The following UGT2B17 variants were observed in gnomAD, a reference collection of about 807,000 sequenced individuals.
UGT2B17 encodes the protein UDP glucuronosyltransferase family 2 member B17.
A neutral mutation model predicts 48.2 loss-of-function variants in UGT2B17; 21 were observed. That is an observed-to-expected ratio of 0.44 (90% CI 0.31 to 0.63). UGT2B17 has a LOEUF of 0.63. Ranked by LOEUF, UGT2B17 falls within the 20% of genes least tolerant of loss-of-function variation. UGT2B17 has a pLI of 0.08. For missense variants in UGT2B17, 402 were observed against 696.1 expected (o/e 0.58, Z 4.75); for synonymous variants, 146 against 238.4 (o/e 0.61, Z 3.57).
intron 3 of UGT2B17, among the ~76,000 whole-genome samples, chr4:68,562,919 G>T (rs1731130185): frequency 7.9e-6 from 1 of 126,240 alleles, no homozygotes; most frequent in Non-Finnish European, 1.7e-5. Flanking sequence ...ACAGCTGACA[G>T]TGTAATTAAA....
rs532951975 is a variant in UGT2B17 at position 68,558,235 on chromosome 4, C to A, written c.1005+2302G>T. ...TTATGTTTCAAAAATAACAGTATAC[C>A]TGTTGTTAGATTCTAGTCTTGCCTA... On this transcript the variant is annotated intron_variant, in intron 4 of 6. Transcript: ENST00000317746. Among the ~76,000 whole-genome samples, 5 of 123,674 alleles carry A rather than the reference C, an allele frequency of 4.0e-5. 1 individual carries two copies. Among genetic ancestry groups the A allele is most frequent in the Non-Finnish European group, 6.8e-5 (4 of 58,446 alleles). The allele number at this position is 123,674 out of a possible 152,430, so 81.1% of individuals were successfully genotyped here.
In UGT2B17 at chr4:68,562,168, T is replaced by G. The variant is rs1731115077; in HGVS notation, c.874-1500A>C. Among the ~76,000 whole-genome samples the G allele has an allele frequency of 1.6e-5, 2 of 124,544 alleles. 1 individual carries two copies. Among genetic ancestry groups the G allele is most frequent in the African/African-American group, 5.5e-5 (2 of 36,440 alleles). The allele number at this position is 124,544 out of a possible 152,430, so 81.7% of individuals were successfully genotyped here. On this transcript the variant is annotated intron_variant, in intron 3 of 6. Transcript: ENST00000317746. Reference sequence around the variant, plus strand: ...TCTTGCTCTGTCACCTAGGCTGGAGTGCAATGATGCAATCTTGGCTCATTG... The same window carrying G: ...TCTTGCTCTGTCACCTAGGCTGGAGGGCAATGATGCAATCTTGGCTCATTG...
chr4:68,537,504 G>C lies in UGT2B17; in HGVS notation c.*121C>G, dbSNP rs1311515281. 2.6e-5 allele frequency: 23 copies of C among 883,136 alleles called. 4 individuals are homozygous for C. The highest frequency in any genetic ancestry group is 3.4e-5 in the Non-Finnish European group (23 of 669,952). 54.7% of individuals were successfully genotyped at this position (883,136 alleles called of 1,614,324 possible). On this transcript the variant is annotated 3_prime_UTR_variant, in exon 7 of 7. Transcript: ENST00000317746. ...TGGAAAATAAATTTTGACTTAACAG[G>C]GTAAGTTGTGAAAAGACGTTTTGTC... is the stretch of plus-strand genomic sequence containing the variant.
rs377204498 is a variant in UGT2B17 at position 68,550,797 on chromosome 4, G to A, written c.1193C>T (p.Ala398Val). 2.5e-5 allele frequency: 35 copies of A among 1,386,086 alleles called. 8 individuals are homozygous for A. Among genetic ancestry groups the A allele is most frequent in the South Asian group, 3.3e-5 (2 of 60,214 alleles). The allele number at this position is 1,386,086 out of a possible 1,614,324, so 85.9% of individuals were successfully genotyped here. The change falls in exon 6 of 7, where the codon GCG (alanine) becomes GTG (valine). Residue 398 changes from alanine (A) to valine (V), a missense_variant. By Grantham distance (64) the Ala-to-Val change is moderately conservative (BLOSUM62 0). Around this residue, in one of 5 missense-constraint regions of UGT2B17, gnomAD observed 156 missense variants for 258.6 expected, o/e 0.60. Transcript: ENST00000317746. Reference protein sequence around the residue: ...GIPMVGIPLFADQHDNIAHMK... With the variant: ...GIPMVGIPLFVDQHDNIAHMK... The stretch of plus-strand genomic sequence containing the variant: ...GTGAGCAATGTTATCATGTTGATCC[G>A]CAAACAAGGGAATGCCCACCATAGG...
At position 68,549,771 on chromosome 4, in the gene UGT2B17, G is replaced by T. The variant is rs1212498014; in HGVS notation, c.1313+906C>A. Among the ~76,000 whole-genome samples, 3 of 125,750 alleles carry T rather than the reference G, an allele frequency of 2.4e-5. 1 individual carries two copies. Among genetic ancestry groups the T allele is most frequent in the Non-Finnish European group, 5.0e-5 (3 of 59,408 alleles). 82.5% of individuals were successfully genotyped at this position (125,750 alleles called of 152,430 possible). A position where few individuals can be genotyped will look rare whatever the true frequency, so the allele number is the denominator to read the frequency against. ...CTTCATAAACAACAATTTCCCATAT[G>T]CCTCAGCAAGTCCACTCCTAGCCTC... On this transcript the variant is annotated intron_variant, in intron 6 of 6. Coordinates refer to ENST00000317746, the MANE Select transcript of UGT2B17 (RefSeq NM_001077.4).
rs1246514014 is a variant in UGT2B17 at position 68,561,309 on chromosome 4, A to G, written c.874-641T>C. On this transcript the variant is annotated intron_variant, in intron 3 of 6. Transcript: ENST00000317746. ...CACCCCCACCCCCAAAAAACACCTT[A>G]AAAGCTGAAGTATAAGAATCATTGA... is the stretch of plus-strand genomic sequence containing the variant. Among the ~76,000 whole-genome samples, 2 of 118,650 alleles carry G rather than the reference A, an allele frequency of 1.7e-5. 1 individual carries two copies. The highest frequency in any genetic ancestry group is 5.8e-5 in the African/African-American group (2 of 34,424). 77.8% of individuals were successfully genotyped at this position (118,650 alleles called of 152,430 possible). A position where few individuals can be genotyped will look rare whatever the true frequency, so the allele number is the denominator to read the frequency against.
Position 68,561,664 on chromosome 4 carries a change from T to C in UGT2B17, c.874-996A>G, listed in dbSNP as rs2109773020. On this transcript the variant is annotated intron_variant, in intron 3 of 6. Transcript: ENST00000317746. Reference sequence around the variant, plus strand: ...GCTCCCTCACACTATATGAAGCTCCTGGTAAATATGTGTTTGCTTCGAAAT... The same window carrying C: ...GCTCCCTCACACTATATGAAGCTCCCGGTAAATATGTGTTTGCTTCGAAAT... Among the ~76,000 whole-genome samples the C allele has an allele frequency of 1.6e-5, 2 of 122,970 alleles. 1 individual carries two copies. The highest frequency in any genetic ancestry group is 5.6e-5 in the African/African-American group (2 of 35,934). 80.7% of individuals were successfully genotyped at this position (122,970 alleles called of 152,430 possible). A position where few individuals can be genotyped will look rare whatever the true frequency, so the allele number is the denominator to read the frequency against.
intron 6 of UGT2B17, among the ~76,000 whole-genome samples, chr4:68,548,384 G>A (rs59899293): frequency 0.9 from 110,084 of 122,568 alleles, 52,393 homozygotes; most frequent in Non-Finnish European, 0.99. Flanking sequence ...ATGAGAACAC[G>A]AGGACACAGG....
chr4:68,556,239 G>T (rs1730997711), intron 4 of UGT2B17, among the ~76,000 whole-genome samples: 1 of 122,480 alleles, frequency 8.2e-6, no homozygotes, highest in African/African-American at 2.8e-5. Flanking sequence ...TTTCTTAAGG[G>T]ATTGATTTAC....
chr4:68,548,433 C>T lies in UGT2B17; in HGVS notation c.1313+2244G>A, dbSNP rs755704199. ...CACACCGGGGCCTGCTTGGGGGTAGCGGGAGTGGGGAGGGATAGCATTAGG... is the reference window on the plus strand; with the variant it reads ...CACACCGGGGCCTGCTTGGGGGTAGTGGGAGTGGGGAGGGATAGCATTAGG... On this transcript the variant is annotated intron_variant, in intron 6 of 6. Transcript: ENST00000317746. 7.3e-5 allele frequency among the ~76,000 whole-genome samples: 9 copies of T among 123,680 alleles called. 3 individuals are homozygous for T. The highest frequency in any genetic ancestry group is 7.9e-4 in the South Asian group (2 of 2,546). The allele number at this position is 123,680 out of a possible 152,430, so 81.1% of individuals were successfully genotyped here. A position where few individuals can be genotyped will look rare whatever the true frequency, so the allele number is the denominator to read the frequency against.
chr4:68,571,230 C>T (rs1326798080), intron 1 of UGT2B17, among the ~76,000 whole-genome samples: 1 of 124,824 alleles, frequency 8.0e-6, no homozygotes, highest in Non-Finnish European at 1.7e-5. Context: ...TATGGCTATG[C>T]TTCATTTTTT....
At chr4:68,573,369 GTTT>G (rs751304664) in intron 1 of UGT2B17, among the ~76,000 whole-genome samples, 1 of 112,302 alleles carries the variant, frequency 8.9e-6, no homozygotes, top group African/African-American at 3.1e-5. Context: ...GCCGACATGA[GTTT>G]TTTTTTTTTT....
intron 2 of UGT2B17, among the ~76,000 whole-genome samples, chr4:68,566,999 A>G (rs1480551325): frequency 1.7e-5 from 2 of 118,968 alleles, no homozygotes; most frequent in Admixed American, 8.9e-5. Context: ...TCATCTTAAG[A>G]TCTTAATATA....
chr4:68,544,655 G>A (rs1206336958), intron 6 of UGT2B17, among the ~76,000 whole-genome samples: 1 of 125,812 alleles, frequency 7.9e-6, no homozygotes, highest in Non-Finnish European at 1.7e-5. Context: ...CTGGCAAACT[G>A]GATCAAGAGT....
intron 6 of UGT2B17, among the ~76,000 whole-genome samples, chr4:68,549,346 TA>T (rs397766650): frequency 0.016 from 1,621 of 99,686 alleles, 268 homozygotes; most frequent in African/African-American, 0.051. Context: ...CTCCAAAAAG[TA>T]AAAAAAAAAA....
chr4:68,559,973 G>T lies in UGT2B17; in HGVS notation c.1005+564C>A, dbSNP rs1365995368. 4.6e-5 allele frequency among the ~76,000 whole-genome samples: 6 copies of T among 129,480 alleles called. 1 individual carries two copies. The highest frequency in any genetic ancestry group is 1.6e-4 in the African/African-American group (6 of 37,692). The allele number at this position is 129,480 out of a possible 152,430, so 84.9% of individuals were successfully genotyped here. Reference sequence around the variant, plus strand: ...GCTAGGTGGGTACCTCCAGAGCAGTGGCTAGTCAGACTAGGACATTCTTTC... The same window carrying T: ...GCTAGGTGGGTACCTCCAGAGCAGTTGCTAGTCAGACTAGGACATTCTTTC... On this transcript the variant is annotated intron_variant, in intron 4 of 6. Coordinates refer to ENST00000317746, the MANE Select transcript of UGT2B17 (RefSeq NM_001077.4).
At chr4:68,571,163 G>T (rs1457130411) in intron 1 of UGT2B17, among the ~76,000 whole-genome samples, 2 of 125,672 alleles carry the variant, frequency 1.6e-5, no homozygotes, top group African/African-American at 5.5e-5. Context: ...TTGTGCCTAA[G>T]TGGCGGGTCC....
chr4:68,575,156 G>C (rs1193981083), intron 1 of UGT2B17, among the ~76,000 whole-genome samples: 3 of 112,596 alleles, frequency 2.7e-5, no homozygotes, highest in African/African-American at 9.2e-5. Context: ...ACCTTGTTTA[G>C]TCTAAATTTA....
chr4:68,540,244 T>G (rs557311227), intron 6 of UGT2B17, among the ~76,000 whole-genome samples: 1 of 127,514 alleles, frequency 7.8e-6, no homozygotes, highest in African/African-American at 2.7e-5. Flanking sequence ...ATGTTTTATC[T>G]CCTTAAATAA....
Sources: gnomAD v4.1 joint callset for allele counts (sites outside exome capture counted in the v4.1 genomes callset) on GRCh38, gnomAD v4.1.1 for gene constraint, gnomAD v4.1.1 regional missense constraint, MANE v1.5 for transcripts, NCBI Gene and HGNC (gene_info 2026-07-23, HGNC 2026-07-21) for gene names.